Variants in NFIA observed in about 807,000 individuals in gnomAD.
NFIA encodes the protein nuclear factor 1 A-type.
NFIA carries 8 observed loss-of-function variants against 62.8 expected under a neutral mutation model. That is an observed-to-expected ratio of 0.13 (90% CI 0.07 to 0.23). NFIA has a LOEUF of 0.23. Among genes scored for constraint, NFIA ranks in the 10% least tolerant of loss-of-function variants. The pLI, the probability that NFIA is intolerant of heterozygous loss-of-function variation, is 1.00. For missense variants in NFIA, 410 were observed against 642.1 expected, an observed-to-expected ratio of 0.64 and a Z score of 3.91; for synonymous variants, 235 against 238.1, an observed-to-expected ratio of 0.99 and a Z score of 0.12.
rs369715277 is a variant in NFIA, at chr1:61,370,960, G to T, written c.946+11686G>T. 5.3e-5 allele frequency among the ~76,000 whole-genome samples: 8 copies of T among 152,082 alleles called. No homozygotes were observed. In the South Asian group the frequency reaches 1.7e-3, roughly 32 times the overall value. ...TCAATATCCATTTCTAATCTGAAGG[G>T]TCTTCCCTGCCCCTGCCATGTTAGC... is the stretch of plus-strand genomic sequence containing the variant. On this transcript the variant is annotated intron_variant, in intron 6 of 10. Coordinates refer to ENST00000403491, the MANE Select transcript of NFIA (RefSeq NM_001134673.4).
chr1:61,440,741 GC>G (rs1289037990), intron 10 of NFIA, among the ~76,000 whole-genome samples: 11 of 150,858 alleles, frequency 7.3e-5, no homozygotes, highest in Non-Finnish European at 1.6e-4. Context: ...AATTTTTAGA[GC>G]TCTGGATACT....
At chr1:61,365,147 A>G (rs966730699) in intron 6 of NFIA, among the ~76,000 whole-genome samples, 4 of 152,214 alleles carry the variant, frequency 2.6e-5, no homozygotes, top group African/African-American at 9.6e-5. Flanking sequence ...TGATTGTGCC[A>G]TTGCACTCCA....
chr1:61,219,186 C>G (rs1188137634), intron 2 of NFIA, among the ~76,000 whole-genome samples: 1 of 150,616 alleles, frequency 6.6e-6, no homozygotes, highest in East Asian at 2.0e-4. Context: ...AAGCTGAGAT[C>G]AGGTCACTGA....
At chr1:61,451,319 A>G (rs1192010781) in intron 10 of NFIA, among the ~76,000 whole-genome samples, 1 of 152,212 alleles carries the variant, frequency 6.6e-6, no homozygotes, top group Non-Finnish European at 1.5e-5. Context: ...CAATGGTTAA[A>G]TGAAATTTTA....
intron 5 of NFIA, among the ~76,000 whole-genome samples, chr1:61,357,295 G>T (rs1458990925): frequency 6.6e-6 from 1 of 152,168 alleles, no homozygotes; most frequent in Non-Finnish European, 1.5e-5. Flanking sequence ...CTGCTTGCAG[G>T]GCTTTCTTTG....
At chr1:61,286,437 AAAAAAAAT>A (rs1274696496) in intron 3 of NFIA, among the ~76,000 whole-genome samples, 4 of 151,808 alleles carry the variant, frequency 2.6e-5, no homozygotes, top group Non-Finnish European at 4.4e-5. Flanking sequence ...CAAAAAAAAA[AAAAAAAAT>A]AGAATTGCTG....
chr1:61,461,192 G>T lies in NFIA; in HGVS notation c.*5872G>T, dbSNP rs993590006. ...CCTTGACCCTTGACTGATGCTATGC[G>T]GAGACTGATACATTTTCTTAATGGA... On this transcript the variant is annotated 3_prime_UTR_variant, in exon 11 of 11. Coordinates refer to ENST00000403491, the MANE Select transcript of NFIA (RefSeq NM_001134673.4). 1.3e-5 allele frequency: 2 copies of T among 151,998 alleles called. No homozygotes were observed. The highest frequency in any genetic ancestry group is 4.8e-5 in the African/African-American group (2 of 41,376). The allele number at this position is 151,998 out of a possible 1,614,324, so 9.4% of individuals were successfully genotyped here.
intron 2 of NFIA, among the ~76,000 whole-genome samples, chr1:61,106,102 T>A (rs933555034): frequency 1.4e-5 from 2 of 141,180 alleles, no homozygotes; most frequent in African/African-American, 2.5e-5. Context: ...CTCTCATGCA[T>A]CTATCTATCT....
chr1:61,218,281 A>C (rs1653773031), intron 2 of NFIA, among the ~76,000 whole-genome samples: 1 of 152,196 alleles, frequency 6.6e-6, no homozygotes, highest in South Asian at 2.1e-4. Context: ...GGATCTTCTA[A>C]TGGAAATGGG....
intron 3 of NFIA, among the ~76,000 whole-genome samples, chr1:61,295,562 G>A (rs748971690): frequency 2.0e-5 from 3 of 152,154 alleles, no homozygotes; most frequent in Non-Finnish European, 4.4e-5. Context: ...GCAAGGGTGG[G>A]AGAGAAAGGG....
intron 7 of NFIA, among the ~76,000 whole-genome samples, chr1:61,388,686 A>G (rs1557750347): frequency 6.6e-6 from 1 of 152,236 alleles, no homozygotes; most frequent in Non-Finnish European, 1.5e-5. Context: ...AAAGTAATTG[A>G]AAGAGTTATG....
intron 2 of NFIA, among the ~76,000 whole-genome samples, chr1:61,096,528 A>T (rs2100427966): frequency 6.8e-6 from 1 of 147,692 alleles, no homozygotes; most frequent in Admixed American, 6.8e-5. Flanking sequence ...TAACTCTTTA[A>T]ACTTAGTCAA....
chr1:61,265,739 G>A (rs1657115917), intron 2 of NFIA, among the ~76,000 whole-genome samples: 2 of 152,136 alleles, frequency 1.3e-5, no homozygotes, highest in South Asian at 4.2e-4. Context: ...TATCTTTTTA[G>A]TAGCTCCTGA....
intron 7 of NFIA, chr1:61,385,774 A>G (rs2474392): frequency 5.3e-5 from 8 of 152,200 alleles, no homozygotes; most frequent in Non-Finnish European, 1.0e-4. Flanking sequence ...ACAAGTTGCA[A>G]TCTATTCATA....
chr1:61,101,855 G>A (rs1646518084), intron 2 of NFIA, among the ~76,000 whole-genome samples: 1 of 152,140 alleles, frequency 6.6e-6, no homozygotes, highest in African/African-American at 2.4e-5. Context: ...ATGTGTTAGT[G>A]GATTAATGGG....
At chr1:61,304,402 A>G (rs921718580) in intron 3 of NFIA, among the ~76,000 whole-genome samples, 1 of 152,226 alleles carries the variant, frequency 6.6e-6, no homozygotes, top group African/African-American at 2.4e-5. Context: ...ATGTCAACCT[A>G]AAATTCCTTT....
intron 2 of NFIA, among the ~76,000 whole-genome samples, chr1:61,154,475 G>C (rs1422792450): frequency 1.3e-5 from 2 of 152,120 alleles, no homozygotes; most frequent in Non-Finnish European, 2.9e-5. Flanking sequence ...TTTTGAGACA[G>C]GGTCTTACTC....
At chr1:61,079,254 CAG>C (rs1335572102), upstream of NFIA, among the ~76,000 whole-genome samples, 11 of 152,212 alleles carry the variant, frequency 7.2e-5, no homozygotes, top group African/African-American at 2.7e-4. Flanking sequence ...GTAAGAACTA[CAG>C]AGTTATGGTG....
chr1:61,180,853 TAAG>T (rs1650712973), intron 2 of NFIA, among the ~76,000 whole-genome samples: 2 of 152,228 alleles, frequency 1.3e-5, no homozygotes, highest in South Asian at 4.1e-4. Flanking sequence ...CTGCTCATGA[TAAG>T]AAGTCACACA....
Sources: gnomAD v4.1 joint callset for allele counts (sites outside exome capture counted in the v4.1 genomes callset) on GRCh38, gnomAD v4.1.1 for gene constraint, MANE v1.5 for transcripts, NCBI Gene and HGNC (gene_info 2026-07-23, HGNC 2026-07-21) for gene names.